The following NALF1 variants were observed in gnomAD, a reference collection of about 807,000 sequenced individuals.
NALF1 encodes family with sequence similarity 155 member A.
NALF1 carries 3 observed loss-of-function variants against 48.4 expected under a neutral mutation model. The observed-to-expected ratio is 0.06, with a 90% CI of 0.03 to 0.16. The LOEUF (loss-of-function observed/expected upper bound fraction) is 0.16. Ranked by LOEUF, NALF1 falls within the 10% of genes least tolerant of loss-of-function variation. The probability of loss-of-function intolerance (pLI) is 1.00; values close to 1 mark genes in which losing one functional copy is unlikely to be tolerated. For synonymous variants in NALF1, 262 were observed against 245.7 expected (o/e 1.07, Z -0.62); for missense variants, 526 against 571.5 (o/e 0.92, Z 0.81).
intron 1 of NALF1, among the ~76,000 whole-genome samples, chr13:107,457,631 G>T (rs1884845291): frequency 6.6e-6 from 1 of 152,128 alleles, no homozygotes; most frequent in Middle Eastern, 3.2e-3. Context: ...ACATATATAT[G>T]TTTTCTGAAC....
intron 1 of NALF1, among the ~76,000 whole-genome samples, chr13:107,458,813 C>T (rs55950535): frequency 0.18 from 26,693 of 152,046 alleles, 3,965 homozygotes; most frequent in African/African-American, 0.41. Context: ...TAAAGAGAGA[C>T]ATTATTTAAT....
intron 1 of NALF1, among the ~76,000 whole-genome samples, chr13:107,401,605 T>A (rs1883808903): frequency 1.3e-5 from 2 of 152,050 alleles, no homozygotes; most frequent in African/African-American, 4.8e-5. Flanking sequence ...TTCATTTCCA[T>A]GTCAAAGAAA....
In NALF1 at chr13:107,342,885, C is replaced by T. The variant is rs79923851; in HGVS notation, c.916-132130G>A. On this transcript the variant is annotated intron_variant, in intron 1 of 2. Transcript: ENST00000375915. ...AAAGCTCCCAAATGTATGACGCATA[C>T]GTTGACAGAAGTGAAGGGAGAATTC... Among the ~76,000 whole-genome samples, 237 of 152,208 alleles carry T rather than the reference C, an allele frequency of 1.6e-3. 2 individuals are homozygous for T. The highest frequency in any genetic ancestry group is 5.5e-3 in the African/African-American group (227 of 41,532).
intron 1 of NALF1, among the ~76,000 whole-genome samples, chr13:107,685,454 C>T (rs529033736): frequency 3.9e-5 from 6 of 152,012 alleles, no homozygotes; most frequent in African/African-American, 7.2e-5. Context: ...TAATTTAACA[C>T]GATTATTGTT....
chr13:107,663,819 C>T (rs1436675509), intron 1 of NALF1, among the ~76,000 whole-genome samples: 1 of 152,114 alleles, frequency 6.6e-6, no homozygotes, highest in African/African-American at 2.4e-5. Flanking sequence ...CATTTGGCCT[C>T]CTGGATACCA....
At chr13:107,301,242 A>G (rs1881831502) in intron 1 of NALF1, among the ~76,000 whole-genome samples, 1 of 152,214 alleles carries the variant, frequency 6.6e-6, no homozygotes, top group Non-Finnish European at 1.5e-5. Flanking sequence ...TTCAACATCC[A>G]TCCATGGATT....
chr13:107,756,723 C>T (rs559288107), intron 1 of NALF1, among the ~76,000 whole-genome samples: 1 of 152,016 alleles, frequency 6.6e-6, no homozygotes, highest in African/African-American at 2.4e-5. Context: ...CATCCTCCTA[C>T]GGAGGTGCAA....
chr13:107,308,760 C>A (rs1284472913), intron 1 of NALF1, among the ~76,000 whole-genome samples: 1 of 152,158 alleles, frequency 6.6e-6, no homozygotes, highest in African/African-American at 2.4e-5. Flanking sequence ...AAAATCAATC[C>A]TGAATATGAA....
intron 1 of NALF1, among the ~76,000 whole-genome samples, chr13:107,756,713 C>T (rs566119349): frequency 3.3e-5 from 5 of 152,250 alleles, no homozygotes; most frequent in African/African-American, 1.2e-4. Flanking sequence ...GGTCGGAGGC[C>T]ATCCTCCTAC....
chr13:107,499,968 G>A (rs118013630), intron 1 of NALF1, among the ~76,000 whole-genome samples: 16 of 152,004 alleles, frequency 1.1e-4, no homozygotes, highest in East Asian at 5.8e-4. Flanking sequence ...CATTTAAAAC[G>A]TCAGATATAA....
At chr13:107,427,601 G>C (rs987128361) in intron 1 of NALF1, among the ~76,000 whole-genome samples, 1 of 152,116 alleles carries the variant, frequency 6.6e-6, no homozygotes. Context: ...AAAAAGAAAA[G>C]AAATACAAAA....
intron 1 of NALF1, among the ~76,000 whole-genome samples, chr13:107,212,120 C>T (rs1879774960): frequency 6.6e-6 from 1 of 152,056 alleles, no homozygotes; most frequent in East Asian, 1.9e-4. Context: ...CCTTCCATGC[C>T]CCGGGTCAAT....
At chr13:107,214,228 T>G (rs1412041034) in intron 1 of NALF1, among the ~76,000 whole-genome samples, 1 of 152,172 alleles carries the variant, frequency 6.6e-6, no homozygotes, top group Non-Finnish European at 1.5e-5. Flanking sequence ...TTGAAAAGGA[T>G]GTTTTGTGGT....
intron 1 of NALF1, among the ~76,000 whole-genome samples, chr13:107,360,942 T>C (rs954781549): frequency 3.9e-5 from 6 of 152,180 alleles, no homozygotes; most frequent in African/African-American, 1.4e-4. Flanking sequence ...TCCTACAATC[T>C]TAATTCACTG....
chr13:107,445,594 G>C (rs1008746614), intron 1 of NALF1, among the ~76,000 whole-genome samples: 1 of 152,156 alleles, frequency 6.6e-6, no homozygotes, highest in Non-Finnish European at 1.5e-5. Context: ...TGCAATTACT[G>C]GTTCATATGG....
chr13:107,329,366 GT>G (rs1343550719), intron 1 of NALF1, among the ~76,000 whole-genome samples: 7 of 152,210 alleles, frequency 4.6e-5, no homozygotes, highest in African/African-American at 1.7e-4. Context: ...CTCTACCTAA[GT>G]CATGGCAATC....
chr13:107,630,806 AAGATC>A (rs1377832512), intron 1 of NALF1, among the ~76,000 whole-genome samples: 1 of 152,064 alleles, frequency 6.6e-6, no homozygotes, highest in Non-Finnish European at 1.5e-5. Context: ...TAGATGATTG[AAGATC>A]AGTTGTTAAG....
intron 1 of NALF1, among the ~76,000 whole-genome samples, chr13:107,848,242 A>T (rs987537588): frequency 6.6e-6 from 1 of 152,056 alleles, no homozygotes; most frequent in African/African-American, 2.4e-5. Flanking sequence ...TTGCACTAAT[A>T]CTCTTTACAA....
At chr13:107,757,409 T>C in intron 1 of NALF1, among the ~76,000 whole-genome samples, 1 of 138,052 alleles carries the variant, frequency 7.2e-6, no homozygotes, top group East Asian at 2.1e-4. Flanking sequence ...ACACTGGCCC[T>C]CATTTCTTTT....
Sources: allele counts gnomAD v4.1 joint callset (sites outside exome capture counted in the v4.1 genomes callset), GRCh38; gene constraint gnomAD v4.1.1; transcripts MANE v1.5; gene names NCBI Gene and HGNC (gene_info 2026-07-23, HGNC 2026-07-21).